C12orf56: variants seen among roughly 807,000 people sequenced by gnomAD.
The protein encoded by C12orf56 is chromosome 12 open reading frame 56, also known as uncharacterized protein C12orf56.
C12orf56 carries 71 observed loss-of-function variants against 69.9 expected under a neutral mutation model. The ratio of observed to expected loss-of-function variants is 1.02; its 90% CI spans 0.84 to 1.24. The LOEUF is 1.24. Ranked by LOEUF, C12orf56 falls within the 50% of genes most tolerant of loss-of-function variation. The pLI is 0.00. For synonymous variants in C12orf56, 276 were observed against 274.1 expected (o/e 1.01, Z -0.07); for missense variants, 732 against 738.5 (o/e 0.99, Z 0.10).
chr12:64,307,632 G>A (rs542414830), intron 5 of C12orf56, among the ~76,000 whole-genome samples: 2 of 151,976 alleles, frequency 1.3e-5, no homozygotes, highest in African/African-American at 4.8e-5. Flanking sequence ...GCCTCCCAAA[G>A]TGCTGGGATT....
At chr12:64,295,899 T>G (rs2038358899) in intron 6 of C12orf56, among the ~76,000 whole-genome samples, 1 of 151,986 alleles carries the variant, frequency 6.6e-6, no homozygotes, top group African/African-American at 2.4e-5. Flanking sequence ...TGTGTATAAT[T>G]TTCCATCCTA....
intron 3 of C12orf56, among the ~76,000 whole-genome samples, chr12:64,328,707 A>AAAAAAATATC (rs1319927530): frequency 1.8e-4 from 1 of 5,614 alleles, no homozygotes; most frequent in Admixed American, 3.0e-3. Context: ...AAAAAAAAAA[A>AAAAAAATATC]TATATATATA....
chr12:64,354,211 G>A (rs1028547317), intron 1 of C12orf56, among the ~76,000 whole-genome samples: 3 of 152,164 alleles, frequency 2.0e-5, no homozygotes, highest in Non-Finnish European at 4.4e-5. Context: ...TAAATAGATA[G>A]GACATTTAGA....
At chr12:64,302,421 T>C (rs1177927823) in intron 6 of C12orf56, among the ~76,000 whole-genome samples, 2 of 152,160 alleles carry the variant, frequency 1.3e-5, no homozygotes. Context: ...GTCACCCTAA[T>C]CTGGGCAAAC....
chr12:64,268,996 C>T (rs886214166), intron 12 of C12orf56, among the ~76,000 whole-genome samples: 4 of 152,004 alleles, frequency 2.6e-5, no homozygotes, highest in South Asian at 2.1e-4. Context: ...ATTAGCTAGG[C>T]GTGATGGTGC....
chr12:64,352,369 T>G (rs918963140), intron 2 of C12orf56: 1 of 152,346 alleles, frequency 6.6e-6, no homozygotes, highest in African/African-American at 2.4e-5. Flanking sequence ...ACTGCCATTT[T>G]CCCAAAACAG....
At chr12:64,280,322 C>T (rs4076831) in intron 8 of C12orf56, among the ~76,000 whole-genome samples, 107,003 of 152,032 alleles carry the variant, frequency 0.7, 38,834 homozygotes, top group Non-Finnish European at 0.8. Flanking sequence ...ACAGTCCCAA[C>T]AGTTTAATAC....
At chr12:64,276,007 C>A (rs113564993) in intron 9 of C12orf56, among the ~76,000 whole-genome samples, 1 of 148,662 alleles carries the variant, frequency 6.7e-6, no homozygotes, top group Non-Finnish European at 1.5e-5. Context: ...ACACACCCCC[C>A]CCCGCGAGTT....
rs148483975 is a variant in C12orf56, at chr12:64,298,324, G to A, written c.1113+5311C>T. Among the ~76,000 whole-genome samples the A allele has an allele frequency of 3.1e-3, 465 of 152,218 alleles. 2 individuals carry two copies. The highest frequency in any genetic ancestry group is 0.01 in the African/African-American group (431 of 41,532). On this transcript the variant is annotated intron_variant, in intron 6 of 12. Coordinates refer to ENST00000543942, the MANE Select transcript of C12orf56 (RefSeq NM_001170633.2). ...GATTGCAAAAATTTTCTCTCGTTCT[G>A]TAGGTTGTCTGTTCACTCTGATGAT...
At chr12:64,302,831 G>A (rs2038463490) in intron 6 of C12orf56, among the ~76,000 whole-genome samples, 1 of 152,104 alleles carries the variant, frequency 6.6e-6, no homozygotes. Context: ...AGGGGAAACT[G>A]CACAATAAAA....
chr12:64,366,081 G>GTATAATATATAGTTTATATATTATA (rs2039472559), intron 1 of C12orf56, among the ~76,000 whole-genome samples: 2 of 112,236 alleles, frequency 1.8e-5, no homozygotes, highest in Non-Finnish European at 3.3e-5. Context: ...TATATAGTTT[G>GTATAATATATAGTTTATATATTATA]TATAATATAT....
At chr12:64,355,792 C>T (rs1439466712) in intron 1 of C12orf56, 2 of 152,430 alleles carry the variant, frequency 1.3e-5, no homozygotes, top group Non-Finnish European at 2.9e-5. Context: ...TACATCATAA[C>T]AAGCTTTAAG....
rs2038634495 is a variant in C12orf56, at chr12:64,312,608, C to T, written c.968+71G>A. The T allele has an allele frequency of 3.4e-6, 4 of 1,175,228 alleles. No homozygotes were observed. The South Asian group carries it at 5.3e-5, about 16-fold the overall frequency. 72.8% of individuals were successfully genotyped at this position (1,175,228 alleles called of 1,614,324 possible). On this transcript the variant is annotated intron_variant, in intron 5 of 12. Transcript: ENST00000543942. Reference sequence around the variant, plus strand: ...TGGGAAACAGAGTGAGACTCAGTTTCAAAAAAAAGGAGAGGCAAAGAGGAG... The same window carrying T: ...TGGGAAACAGAGTGAGACTCAGTTTTAAAAAAAAGGAGAGGCAAAGAGGAG...
At chr12:64,384,901 A>G (rs1449387660) in intron 1 of C12orf56, among the ~76,000 whole-genome samples, 1 of 151,994 alleles carries the variant, frequency 6.6e-6, no homozygotes, top group Non-Finnish European at 1.5e-5. Context: ...TAAAAACACA[A>G]AAATTAACCG....
intron 2 of C12orf56, among the ~76,000 whole-genome samples, chr12:64,338,012 A>T (rs748157110): frequency 3.3e-5 from 5 of 152,136 alleles, no homozygotes; most frequent in Non-Finnish European, 7.4e-5. Context: ...CATTGTGAAC[A>T]ATTAGGCAAG....
At chr12:64,386,398 A>ATATTTTTT (rs752756817) in intron 1 of C12orf56, among the ~76,000 whole-genome samples, 2 of 87,344 alleles carry the variant, frequency 2.3e-5, no homozygotes, top group African/African-American at 1.0e-4. Context: ...ATATATATAT[A>ATATTTTTT]TTTTTTTTTT....
intron 4 of C12orf56, among the ~76,000 whole-genome samples, chr12:64,318,241 T>C (rs2038714767): frequency 6.6e-6 from 1 of 152,066 alleles, no homozygotes; most frequent in Admixed American, 6.6e-5. Flanking sequence ...TTGTATTTTT[T>C]AGTAGCGACA....
At chr12:64,367,511 C>CTT (rs929966776) in intron 1 of C12orf56, among the ~76,000 whole-genome samples, 4 of 143,142 alleles carry the variant, frequency 2.8e-5, no homozygotes, top group Admixed American at 7.1e-5. Flanking sequence ...GAGAGATACT[C>CTT]TTTTTTTTTT....
At chr12:64,320,474 A>T (rs1468770770) in intron 3 of C12orf56, among the ~76,000 whole-genome samples, 1 of 152,100 alleles carries the variant, frequency 6.6e-6, no homozygotes, top group South Asian at 2.1e-4. Flanking sequence ...GAGATTTTTT[A>T]AATGATGTTT....
Sources: gnomAD v4.1 joint callset for allele counts (sites outside exome capture counted in the v4.1 genomes callset) on GRCh38, gnomAD v4.1.1 for gene constraint, MANE v1.5 for transcripts, NCBI Gene and HGNC (gene_info 2026-07-23, HGNC 2026-07-21) for gene names.